Variants in POFUT1 observed in about 807,000 individuals in gnomAD.
POFUT1 encodes GDP-fucose protein O-fucosyltransferase 1.
POFUT1 carries 16 observed loss-of-function variants against 42.4 expected under a neutral mutation model. That is an observed-to-expected ratio of 0.38 (90% CI 0.26 to 0.57). The LOEUF (loss-of-function observed/expected upper bound fraction) is 0.57, where lower values mean the gene tolerates loss of function less well. POFUT1 is among the 20% of genes least tolerant of loss of function. The pLI is 0.71. For missense variants in POFUT1, 470 were observed against 504.6 expected, an observed-to-expected ratio of 0.93 and a Z score of 0.66; for synonymous variants, 206 against 205.4, an observed-to-expected ratio of 1.00 and a Z score of -0.03.
chr20:32,209,680 A>T (rs1007411691), intron 1 of POFUT1, among the ~76,000 whole-genome samples: 1 of 152,290 alleles, frequency 6.6e-6, no homozygotes, highest in Non-Finnish European at 1.5e-5. Flanking sequence ...GAGGTAAAGG[A>T]GGGAGAGTGA....
intron 4 of POFUT1, chr20:32,217,759 G>A: frequency 2.0e-6 from 2 of 984,334 alleles, no homozygotes; most frequent in Non-Finnish European, 2.4e-6. Context: ...TTTTATTTAA[G>A]ACTTTGAGAT....
intron 2 of POFUT1, among the ~76,000 whole-genome samples, chr20:32,210,407 A>C (rs1262169102): frequency 6.6e-6 from 1 of 152,174 alleles, no homozygotes; most frequent in African/African-American, 2.4e-5. Flanking sequence ...TTTCACCCTC[A>C]TCACTTGCCT....
At position 32,228,295 on chromosome 20, in the gene POFUT1, T is replaced by G. The variant is rs1479687986; in HGVS notation, c.575T>G (p.Leu192Arg). Reference sequence around the variant, plus strand: ...CCAAAGGAACATCCGGTGCTTGCCCTGCCAGGAGCCCCAGCCCAGTTCCCC... The same window carrying G: ...CCAAAGGAACATCCGGTGCTTGCCCGGCCAGGAGCCCCAGCCCAGTTCCCC... ...FSPKEHPVLA[L>R]PGAPAQFPVL... The change falls in exon 5 of 7, where the codon CTG becomes CGG. Residue 192 changes from leucine to arginine, a missense_variant. Leu to Arg is a moderately radical substitution (Grantham distance 102, BLOSUM62 -2). Transcript: ENST00000375749. 1 of 1,613,976 alleles carries G rather than the reference T, an allele frequency of 6.2e-7. No individual in the cohort carries two copies.
chr20:32,234,234 T>TG (rs2047457455), intron 6 of POFUT1, among the ~76,000 whole-genome samples: 2 of 152,184 alleles, frequency 1.3e-5, no homozygotes, highest in African/African-American at 4.8e-5. Context: ...ACAGCACAAG[T>TG]GAAGACATGA....
rs1038022810 is a variant in POFUT1, at chr20:32,235,989, C to T, written c.*1328C>T. On this transcript the variant is annotated 3_prime_UTR_variant, in exon 7 of 7. Coordinates refer to ENST00000375749, the MANE Select transcript of POFUT1 (RefSeq NM_015352.2). ...GCAGCCTGGTTCAGAGCTCAGAGGTCACACTGTATCAAAGATCTCAAACAG... is the reference window on the plus strand; with the variant it reads ...GCAGCCTGGTTCAGAGCTCAGAGGTTACACTGTATCAAAGATCTCAAACAG... 3 of 152,252 alleles carry T rather than the reference C, an allele frequency of 2.0e-5. No homozygotes were observed. The highest frequency in any genetic ancestry group is 4.4e-5 in the Non-Finnish European group (3 of 68,066). The allele number at this position is 152,252 out of a possible 1,614,324, so 9.4% of individuals were successfully genotyped here.
At chr20:32,234,000 T>C (rs2047456269) in intron 6 of POFUT1, among the ~76,000 whole-genome samples, 1 of 151,986 alleles carries the variant, frequency 6.6e-6, no homozygotes, top group South Asian at 2.1e-4. Context: ...CTGAGCAACA[T>C]AGCAAGACTC....
intron 2 of POFUT1, among the ~76,000 whole-genome samples, chr20:32,211,279 A>AT (rs11397120): frequency 0.61 from 89,800 of 146,978 alleles, 27,771 homozygotes; most frequent in East Asian, 0.99. Context: ...CGCACTCACT[A>AT]TTTTTTTTTT....
chr20:32,218,697 A>G (rs2047375081), intron 4 of POFUT1, among the ~76,000 whole-genome samples: 1 of 151,858 alleles, frequency 6.6e-6, no homozygotes, highest in African/African-American at 2.4e-5. Flanking sequence ...CCCTCAAAGG[A>G]TGGAGATTTG....
chr20:32,214,518 G>C (rs773760043), intron 2 of POFUT1, among the ~76,000 whole-genome samples: 1 of 152,192 alleles, frequency 6.6e-6, no homozygotes, highest in Non-Finnish European at 1.5e-5. Context: ...CCGTGTAGAA[G>C]AGTGCGCATT....
At chr20:32,211,775 T>G (rs1188053533) in intron 2 of POFUT1, among the ~76,000 whole-genome samples, 1 of 152,098 alleles carries the variant, frequency 6.6e-6, no homozygotes, top group Non-Finnish European at 1.5e-5. Flanking sequence ...TTGGCAGGGG[T>G]TATTTCCCAG....
intron 6 of POFUT1, among the ~76,000 whole-genome samples, chr20:32,231,960 G>C (rs955643911): frequency 6.6e-6 from 1 of 152,198 alleles, no homozygotes; most frequent in East Asian, 1.9e-4. Context: ...GAGTGAGTAC[G>C]TATTGATAAA....
In POFUT1 at chr20:32,238,655, A is replaced by G. The variant is rs2047485764; in HGVS notation, c.*3994A>G. 1.3e-5 allele frequency: 2 copies of G among 152,196 alleles called. No homozygotes were observed. Among genetic ancestry groups the G allele is most frequent in the Non-Finnish European group, 1.5e-5 (1 of 68,036 alleles). 9.4% of individuals were successfully genotyped at this position (152,196 alleles called of 1,614,324 possible). ...ATAAAATGAACTCACAGTTTCAACA[A>G]TGACCCACATTTTACCAGTCTAGTT... On this transcript the variant is annotated 3_prime_UTR_variant, in exon 7 of 7. Transcript: ENST00000375749.
chr20:32,217,795 A>G (rs1276198650), intron 4 of POFUT1: 2 of 959,026 alleles, frequency 2.1e-6, no homozygotes, highest in African/African-American at 3.5e-5. Flanking sequence ...TATTATTATC[A>G]ATTTCCATTT....
intron 4 of POFUT1, among the ~76,000 whole-genome samples, chr20:32,227,978 T>C (rs2047423178): frequency 2.0e-5 from 3 of 152,122 alleles, no homozygotes; most frequent in Admixed American, 6.5e-5. Flanking sequence ...GTGTGACATA[T>C]AAAAGGTTGG....
chr20:32,212,447 G>T (rs1011580170), intron 2 of POFUT1, among the ~76,000 whole-genome samples: 2 of 151,848 alleles, frequency 1.3e-5, no homozygotes, highest in Admixed American at 6.6e-5. Flanking sequence ...TTGATTTTTA[G>T]TAGGGACAAG....
chr20:32,228,178 G>A lies in POFUT1; in HGVS notation c.543-85G>A, dbSNP rs1226247303. 4 of 1,168,150 alleles carry A rather than the reference G, an allele frequency of 3.4e-6. No individual in the cohort carries two copies. In the South Asian group the frequency reaches 4.4e-5, roughly 13 times the overall value. 72.4% of individuals were successfully genotyped at this position (1,168,150 alleles called of 1,614,324 possible). ...CCCTCCGCAGGGTCTCTGGGGCATG[G>A]TGCAACACCATCCTTTTTCCCGTGG... On this transcript the variant is annotated intron_variant, in intron 4 of 6. Transcript: ENST00000375749.
Position 32,236,584 on chromosome 20 carries a change from G to A in POFUT1, c.*1923G>A, listed in dbSNP as rs2047471983. On this transcript the variant is annotated 3_prime_UTR_variant, in exon 7 of 7. Coordinates refer to ENST00000375749, the MANE Select transcript of POFUT1 (RefSeq NM_015352.2). The stretch of plus-strand genomic sequence containing the variant: ...AGCAAAATTCAGTTGTGTTCTGTGA[G>A]CTAGCACTTTTTCCTCTGACCCAAT... 1 of 152,204 alleles carries A rather than the reference G, an allele frequency of 6.6e-6. No individual in the cohort carries two copies. The highest frequency in any genetic ancestry group is 2.4e-5 in the African/African-American group (1 of 41,438). 9.4% of individuals were successfully genotyped at this position (152,204 alleles called of 1,614,324 possible). A position where few individuals can be genotyped will look rare whatever the true frequency, so the allele number is the denominator to read the frequency against.
At chr20:32,215,234 CT>C in intron 2 of POFUT1, 34 bp from the exon 3 acceptor site, 2 of 1,570,764 alleles carry the variant, frequency 1.3e-6, no homozygotes, top group Non-Finnish European at 1.7e-6. Flanking sequence ...CACGGGGGCA[CT>C]GAGACGGGAC....
chr20:32,210,826 C>T (rs2047323971), intron 2 of POFUT1, among the ~76,000 whole-genome samples: 1 of 152,224 alleles, frequency 6.6e-6, no homozygotes, highest in Admixed American at 6.5e-5. Flanking sequence ...GCAGTAGGAA[C>T]TTAATTAGTA....
Sources: allele counts gnomAD v4.1 joint callset (sites outside exome capture counted in the v4.1 genomes callset), GRCh38; gene constraint gnomAD v4.1.1; transcripts MANE v1.5; gene names NCBI Gene and HGNC (gene_info 2026-07-23, HGNC 2026-07-21).